DERA: variants seen among roughly 807,000 people sequenced by gnomAD.
DERA encodes the protein deoxyribose-phosphate aldolase.
A neutral mutation model predicts 41.1 loss-of-function variants in DERA; 15 were observed. That is an observed-to-expected ratio of 0.37 (90% CI 0.24 to 0.56). DERA has a LOEUF of 0.56. Among genes scored for constraint, DERA ranks in the 20% least tolerant of loss-of-function variants. DERA has a pLI of 0.81. For missense variants in DERA, 396 were observed against 403.4 expected (o/e 0.98, Z 0.16); for synonymous variants, 139 against 137.4 (o/e 1.01, Z -0.08).
At position 15,982,557 on chromosome 12, in the gene DERA, G is replaced by A; in HGVS notation, c.637+121G>A. On this transcript the variant is annotated intron_variant, in intron 6 of 8. Coordinates refer to ENST00000428559, the MANE Select transcript of DERA (RefSeq NM_015954.4). The surrounding 1 kb of genome is among the most constrained non-coding windows in gnomAD (Gnocchi z 4.0). ...AACCACTTGGAATTTTTTTGCGGGA[G>A]GAATCGGATATTTTGTAAAAACATG... 1 of 1,038,620 alleles carries A rather than the reference G, an allele frequency of 9.6e-7. No individual in the cohort carries two copies. Among genetic ancestry groups the A allele is most frequent in the Non-Finnish European group, 1.4e-6 (1 of 723,352 alleles). The allele number at this position is 1,038,620 out of a possible 1,614,324, so 64.3% of individuals were successfully genotyped here.
rs1193961248 is a variant in DERA at position 16,013,758 on chromosome 12, A to C, written c.638-18784A>C. On this transcript the variant is annotated intron_variant, in intron 6 of 8. Transcript: ENST00000428559. This position sits in a 1 kb window ranked among gnomAD's most constrained non-coding sequence, Gnocchi z 5.8. ...TTGGAGGGCTCAGAAGAAGACAGGA[A>C]GATGTGGGAAAATTTGGAACTTCCT... 1.3e-5 allele frequency among the ~76,000 whole-genome samples: 2 copies of C among 152,208 alleles called. No homozygotes were observed. Among genetic ancestry groups the C allele is most frequent in the Non-Finnish European group, 2.9e-5 (2 of 68,024 alleles).
chr12:15,987,892 G>A (rs1159551417), intron 6 of DERA, among the ~76,000 whole-genome samples: 1 of 152,122 alleles, frequency 6.6e-6, no homozygotes, highest in Non-Finnish European at 1.5e-5. Flanking sequence ...CAAGCCAGGC[G>A]CGGAGTGGCA....
chr12:16,028,767 A>G (rs144000843), intron 6 of DERA, among the ~76,000 whole-genome samples: 59 of 152,334 alleles, frequency 3.9e-4, no homozygotes, highest in Middle Eastern at 3.4e-3. Context: ...TGAGAAAAAC[A>G]TTTAACAAAT....
intron 1 of DERA, among the ~76,000 whole-genome samples, chr12:15,923,363 C>T (rs1948259841): frequency 1.3e-5 from 2 of 152,182 alleles, no homozygotes; most frequent in South Asian, 4.1e-4. Context: ...TCTGAAAACC[C>T]TTCTGGTTCT....
At chr12:16,023,224 A>T (rs1036774609) in intron 6 of DERA, among the ~76,000 whole-genome samples, 1 of 152,328 alleles carries the variant, frequency 6.6e-6, no homozygotes, top group Non-Finnish European at 1.5e-5. Context: ...GCTAAAATAC[A>T]TAGGCTCTCT....
intron 4 of DERA, among the ~76,000 whole-genome samples, chr12:15,961,048 A>G (rs540550275): frequency 6.6e-6 from 1 of 152,326 alleles, no homozygotes; most frequent in African/African-American, 2.4e-5. Context: ...AGACACTGAA[A>G]GGTTAGAGGC....
chr12:16,022,673 G>A (rs916668108), intron 6 of DERA, among the ~76,000 whole-genome samples: 2 of 152,190 alleles, frequency 1.3e-5, no homozygotes, highest in African/African-American at 2.4e-5. Context: ...TCAAAGACCT[G>A]AGGTCGCAAG....
intron 6 of DERA, among the ~76,000 whole-genome samples, chr12:16,023,804 T>C (rs1949035563): frequency 6.6e-6 from 1 of 152,214 alleles, no homozygotes; most frequent in South Asian, 2.1e-4. Context: ...AGAAAACAAG[T>C]ATCAGAATCA....
Position 15,922,716 on chromosome 12 carries a change from G to C in DERA, c.31+11302G>C, listed in dbSNP as rs1276084553. 1.3e-5 allele frequency among the ~76,000 whole-genome samples: 2 copies of C among 151,576 alleles called. No homozygotes were observed. The highest frequency in any genetic ancestry group is 2.9e-5 in the Non-Finnish European group (2 of 68,026). On this transcript the variant is annotated intron_variant, in intron 1 of 8. Coordinates refer to ENST00000428559, the MANE Select transcript of DERA (RefSeq NM_015954.4). The surrounding 1 kb of genome is among the most constrained non-coding windows in gnomAD (Gnocchi z 4.9). ...ATTGAATGCACTGTGGTTTATCTGGGAAGGATACAGGATTGGGACCCAGGC... is the reference window on the plus strand; with the variant it reads ...ATTGAATGCACTGTGGTTTATCTGGCAAGGATACAGGATTGGGACCCAGGC...
At chr12:16,034,725 T>G (rs1304432560) in intron 7 of DERA, among the ~76,000 whole-genome samples, 2 of 151,820 alleles carry the variant, frequency 1.3e-5, no homozygotes, top group African/African-American at 4.9e-5. Context: ...ATAACTGATT[T>G]CATTGCAGAT....
chr12:15,911,863 C>G lies in DERA; in HGVS notation c.31+449C>G, dbSNP rs937788936. 9.2e-6 allele frequency: 4 copies of G among 435,070 alleles called. No homozygotes were observed. Among genetic ancestry groups the G allele is most frequent in the African/African-American group, 6.1e-5 (3 of 48,956 alleles). 27.0% of individuals were successfully genotyped at this position (435,070 alleles called of 1,614,324 possible). The stretch of plus-strand genomic sequence containing the variant: ...ACCGTAACCTTGAAGTGGCCGTGCT[C>G]GTGGAAAAGTTGTCAGCCGTCTGTG... On this transcript the variant is annotated intron_variant, in intron 1 of 8. Coordinates refer to ENST00000428559, the MANE Select transcript of DERA (RefSeq NM_015954.4). This position sits in a 1 kb window ranked among gnomAD's most constrained non-coding sequence, Gnocchi z 4.5.
At position 15,921,907 on chromosome 12, in the gene DERA, C is replaced by T. The variant is rs1334624431; in HGVS notation, c.31+10493C>T. ...CGCCATTGCACTCCAGCCTGGGTGA[C>T]GAGCAAAACTCCATCTCAGATAATA... On this transcript the variant is annotated intron_variant, in intron 1 of 8. Coordinates refer to ENST00000428559, the MANE Select transcript of DERA (RefSeq NM_015954.4). The surrounding 1 kb of genome is among the most constrained non-coding windows in gnomAD (Gnocchi z 5.3). Among the ~76,000 whole-genome samples the T allele has an allele frequency of 6.8e-6, 1 of 147,172 alleles. No homozygotes were observed. Among genetic ancestry groups the T allele is most frequent in the Non-Finnish European group, 1.5e-5 (1 of 67,004 alleles).
At chr12:15,917,075 A>C (rs1318207589) in intron 1 of DERA, among the ~76,000 whole-genome samples, 1 of 152,224 alleles carries the variant, frequency 6.6e-6, no homozygotes, top group African/African-American at 2.4e-5. Flanking sequence ...CAAGATAAAC[A>C]GTTTAAGGAA....
At chr12:16,034,152 C>T (rs1486826694) in intron 7 of DERA, among the ~76,000 whole-genome samples, 1 of 152,178 alleles carries the variant, frequency 6.6e-6, no homozygotes, top group Non-Finnish European at 1.5e-5. Flanking sequence ...AGTCTTCAGG[C>T]ATCTGTTTGC....
At chr12:15,962,761 T>G (rs1948596630) in intron 4 of DERA, 52 bp from the exon 5 acceptor site, 2 of 1,477,222 alleles carry the variant, frequency 1.4e-6, no homozygotes, top group Non-Finnish European at 9.1e-7. Flanking sequence ...CTTGCTTACT[T>G]TCTTTCTTCC....
chr12:15,953,846 G>C (rs990459190), intron 1 of DERA, among the ~76,000 whole-genome samples: 18 of 152,194 alleles, frequency 1.2e-4, no homozygotes, highest in Non-Finnish European at 7.3e-5. Context: ...TGAAATTAAA[G>C]AGTAGCAAAT....
At position 15,982,478 on chromosome 12, in the gene DERA, TG is replaced by T; in HGVS notation, c.637+43del. ...CAAATAATGTTTTCTATTGAATTGA[TG>T]TTTTTAGGAGAAATTAAGTAAGTGA... On this transcript the variant is annotated intron_variant, in intron 6 of 8. Transcript: ENST00000428559. The surrounding 1 kb of genome is among the most constrained non-coding windows in gnomAD (Gnocchi z 4.0). 1 of 1,553,808 alleles carries T rather than the reference TG, an allele frequency of 6.4e-7. No homozygotes were observed. Among genetic ancestry groups the T allele is most frequent in the Non-Finnish European group, 8.7e-7 (1 of 1,151,980 alleles).
In DERA at chr12:15,955,078, T is replaced by C. The variant is rs116545245; in HGVS notation, c.32-1858T>C. Among the ~76,000 whole-genome samples, 1,433 of 151,842 alleles carry C rather than the reference T, an allele frequency of 9.4e-3. 24 individuals carry two copies. Among genetic ancestry groups the C allele is most frequent in the African/African-American group, 0.033 (1,360 of 41,416 alleles). ...ACTTTAGGAGGGCGAGGCAGGTAGA[T>C]CACTTGAGGTCGGGAGTTCGATACC... On this transcript the variant is annotated intron_variant, in intron 1 of 8. Transcript: ENST00000428559.
chr12:15,932,744 A>G (rs1048440063), intron 1 of DERA, among the ~76,000 whole-genome samples: 37 of 152,310 alleles, frequency 2.4e-4, no homozygotes, highest in African/African-American at 8.4e-4. Context: ...CAGGAATACA[A>G]TGCATTGTTA....
Sources: gnomAD v4.1 joint callset for allele counts (sites outside exome capture counted in the v4.1 genomes callset) on GRCh38, gnomAD v4.1.1 for gene constraint, Gnocchi (gnomAD v3.1) non-coding constraint, MANE v1.5 for transcripts, NCBI Gene and HGNC (gene_info 2026-07-23, HGNC 2026-07-21) for gene names.